The following STAB1 variants were observed in gnomAD, a reference collection of about 807,000 sequenced individuals.
STAB1 encodes stabilin 1.
STAB1 carries 250 observed loss-of-function variants against 332.4 expected under a neutral mutation model. That is an observed-to-expected ratio of 0.75 (90% CI 0.68 to 0.84). The LOEUF (loss-of-function observed/expected upper bound fraction) is 0.84, where lower values mean the gene tolerates loss of function less well. Ranked by LOEUF, STAB1 falls within the 40% of genes least tolerant of loss-of-function variation. The probability of loss-of-function intolerance (pLI) is 0.00; values close to 1 mark genes in which losing one functional copy is unlikely to be tolerated. For synonymous variants in STAB1, 1,475 were observed against 1,390.4 expected, an observed-to-expected ratio of 1.06 and a Z score of -1.35; for missense variants, 3,249 against 3,489.7, an observed-to-expected ratio of 0.93 and a Z score of 1.74.
Position 52,504,865 on chromosome 3 carries a change from A to T in STAB1, c.1366A>T (p.Asn456Tyr). ...LAGQEITVTF[N>Y]QFTKYSYKYK... ...CGGGCAGGAGATCACCGTCACCTTT[A>T]ACCAATTCACGGTGAGGGAGGAGCC... The change falls in exon 12 of 69, where the codon AAC (asparagine) becomes TAC (tyrosine). Residue 456 changes from asparagine (N) to tyrosine (Y), a missense_variant. Asn to Tyr is a moderately radical substitution (Grantham distance 143, BLOSUM62 -2). Transcript: ENST00000321725. 6.2e-7 allele frequency: 1 copy of T among 1,613,650 alleles called. No homozygotes were observed. Among genetic ancestry groups the T allele is most frequent in the Non-Finnish European group, 8.5e-7 (1 of 1,180,014 alleles).
intron 1 of STAB1, among the ~76,000 whole-genome samples, chr3:52,500,029 C>T (rs1708331036): frequency 6.6e-6 from 1 of 152,002 alleles, no homozygotes; most frequent in Admixed American, 6.6e-5. Flanking sequence ...GCTAGGGTCA[C>T]ACCACTGCAC....
At chr3:52,523,376 C>A (rs1424763536) in intron 64 of STAB1, 35 bp downstream of exon 64, 1 of 1,609,114 alleles carries the variant, frequency 6.2e-7, no homozygotes, top group Non-Finnish European at 8.5e-7. Context: ...GCAGAGCCTG[C>A]ATTGGCCATC....
At chr3:52,517,527 C>A in intron 43 of STAB1, 23 bp from the exon 44 acceptor site, 1 of 1,610,664 alleles carries the variant, frequency 6.2e-7, no homozygotes, top group Non-Finnish European at 8.5e-7. Flanking sequence ...CCCAGCAGCC[C>A]CACTGATCAA....
In STAB1 at chr3:52,514,775, G is replaced by A. The variant is rs1296265419; in HGVS notation, c.3753G>A (p.Gly1251=). The A allele has an allele frequency of 3.1e-6, 5 of 1,612,884 alleles. No individual in the cohort carries two copies. The highest frequency in any genetic ancestry group is 1.3e-5 in the African/African-American group (1 of 74,942). Residue 1251 remains glycine, a synonymous_variant, in exon 35 of 69, where the codon GGG becomes GGA. Coordinates refer to ENST00000321725, the MANE Select transcript of STAB1 (RefSeq NM_015136.3). ...GCCGCTCGCTGATTGGTCTGTCGGG[G>A]GTCCTGACGGTGGGCTCAAGTCGCT... ...APGRSLIGLS[G]VLTVGSSRCL...
chr3:52,504,925 A>C, intron 12 of STAB1, 49 bp downstream of exon 12: 1 of 1,613,044 alleles, frequency 6.2e-7, no homozygotes. Context: ...CAGCCTGGCA[A>C]GGGTGTGCAG....
At chr3:52,523,812 C>A (rs2079166589) in intron 66 of STAB1, 56 bp downstream of exon 66, 1 of 1,583,822 alleles carries the variant, frequency 6.3e-7, no homozygotes. Flanking sequence ...AACCTGTGAG[C>A]CCGGGGAAGG....
At chr3:52,505,498 C>T in intron 14 of STAB1, 117 bp downstream of exon 14, 5 of 1,248,444 alleles carry the variant, frequency 4.0e-6, no homozygotes. Flanking sequence ...TGGCCTCTGC[C>T]CATGCCCCCG....
rs572840965 is a variant in STAB1, at chr3:52,520,375, C to T, written c.5500-25C>T. On this transcript the variant is annotated intron_variant, in intron 52 of 68. Coordinates refer to ENST00000321725, the MANE Select transcript of STAB1 (RefSeq NM_015136.3). ...AGCTGGAGTGCACCTGCGACCCTTG[C>T]ATACCTCATATTCTCTCCTTGCAGG... The T allele has an allele frequency of 8.1e-6, 13 of 1,612,656 alleles. No homozygotes were observed. In the South Asian group the frequency reaches 1.3e-4, roughly 16 times the overall value.
At chr3:52,518,654 T>C in intron 47 of STAB1, 41 bp downstream of exon 47, 4 of 1,611,522 alleles carry the variant, frequency 2.5e-6, no homozygotes, top group Non-Finnish European at 3.4e-6. Context: ...GGCTGGGTGC[T>C]CTGGTGGTGG....
chr3:52,519,561 GA>G lies in STAB1; in HGVS notation c.5234del (p.Lys1745ArgfsTer47). ...GTTACAAGATCTTCAGCGGCCTCCT[GA>G]AGGTACTGCTCCCGTGTGGGCCTGT... is the stretch of plus-strand genomic sequence containing the variant. Reference protein sequence around the residue: ...FGYKIFSGLLKVAGLLPLLRE... With the variant: ...FGYKIFSGLLXVAGLLPLLRE... On this transcript the variant is annotated frameshift_variant and splice_region_variant, in exon 50 of 69. Coordinates refer to ENST00000321725, the MANE Select transcript of STAB1 (RefSeq NM_015136.3). LOFTEE classifies it high-confidence loss of function. 1 of 1,613,290 alleles carries G rather than the reference GA, an allele frequency of 6.2e-7. No individual in the cohort carries two copies. Among genetic ancestry groups the G allele is most frequent in the South Asian group, 1.1e-5 (1 of 91,088 alleles).
At position 52,522,592 on chromosome 3, in the gene STAB1, C is replaced by A; in HGVS notation, c.6648C>A (p.Ser2216Arg). The A allele has an allele frequency of 6.2e-7, 1 of 1,613,060 alleles. No individual in the cohort carries two copies. The highest frequency in any genetic ancestry group is 8.5e-7 in the Non-Finnish European group (1 of 1,180,042). The change falls in exon 61 of 69, where the codon AGC (serine) becomes AGA (arginine). Residue 2216 changes from serine to arginine, a missense_variant. By Grantham distance (110) the Ser-to-Arg change is moderately radical. Transcript: ENST00000321725. ...RAGVFHLQAT[S>R]GPYGLNFSEA... ...GCGTTTTCCACCTCCAGGCCACCAG[C>A]GGCCCTTATGGTCTGAACTTTTCGG...
At chr3:52,514,913 C>G (rs1263171577) in intron 35 of STAB1, 76 bp from the exon 36 acceptor site, 2 of 1,612,060 alleles carry the variant, frequency 1.2e-6, no homozygotes, top group African/African-American at 2.7e-5. Context: ...GGGAGGGGCG[C>G]ATGGTCAGTC....
intron 43 of STAB1, 29 bp downstream of exon 43, chr3:52,517,422 A>G: frequency 6.3e-7 from 1 of 1,584,444 alleles, no homozygotes; most frequent in Non-Finnish European, 8.6e-7. Context: ...GACATGGGGC[A>G]TCATGCCATG....
Position 52,505,380 on chromosome 3 carries a change from A to G in STAB1, c.1580A>G (p.Glu527Gly). Residue 527 changes from glutamate to glycine, a missense_variant and splice_region_variant, in exon 14 of 69, where the codon GAG becomes GGG. Coordinates refer to ENST00000321725, the MANE Select transcript of STAB1 (RefSeq NM_015136.3). ...TTCAGCCGCTTTGAAACCATCCTGG[A>G]GGTAAGCTCGGGGGAGGGGTCCTAG... ...EAFSRFETIL[E>G]NCGLPSILDG... 6.2e-7 allele frequency: 1 copy of G among 1,613,338 alleles called. No homozygotes were observed. Among genetic ancestry groups the G allele is most frequent in the African/African-American group, 1.3e-5 (1 of 75,034 alleles).
In STAB1 at chr3:52,520,435, T is replaced by C. The variant is rs940982172; in HGVS notation, c.5535T>C (p.Ile1845=). 6.2e-7 allele frequency: 1 copy of C among 1,612,446 alleles called. No homozygotes were observed. The highest frequency in any genetic ancestry group is 8.5e-7 in the Non-Finnish European group (1 of 1,179,638). ...ELMVGEDDAR[I]VQRHLPFEGG... is the part of the protein sequence containing the mutation. ...TGGTGGGTGAGGATGATGCTCGCAT[T>C]GTGCAGCGGCACTTGCCCTTTGAGG... is the stretch of plus-strand genomic sequence containing the variant. Residue 1845 remains isoleucine, a synonymous_variant, in exon 53 of 69, where the codon ATT becomes ATC. Coordinates refer to ENST00000321725, the MANE Select transcript of STAB1 (RefSeq NM_015136.3).
Position 52,513,125 on chromosome 3 carries a change from G to T in STAB1, c.3159-5G>T, listed in dbSNP as rs1452929206. 1 of 1,562,246 alleles carries T rather than the reference G, an allele frequency of 6.4e-7. No homozygotes were observed. Among genetic ancestry groups the T allele is most frequent in the Non-Finnish European group, 8.7e-7 (1 of 1,152,938 alleles). On this transcript the variant is annotated splice_polypyrimidine_tract_variant and splice_region_variant and intron_variant, in intron 29 of 68. Transcript: ENST00000321725. ...CCATGACCCCCCTAAACTGTGCCCT[G>T]TCAGGGCCCATTTTCTCCAGGGTGC...
Position 52,523,743 on chromosome 3 carries a change from C to T in STAB1, c.7382C>T (p.Ala2461Val). ...IIHALASPLL[A>V]PPQPQAVLAP... is the part of the protein sequence containing the mutation. ...CATGCTCTGGCCAGCCCCCTCCTGG[C>T]ACCCCCACAGCCCGTGAGTTGAGGA... The change falls in exon 66 of 69, where the codon GCA becomes GTA. Residue 2461 changes from alanine (A) to valine (V), a missense_variant. Ala to Val is a moderately conservative substitution (Grantham distance 64). Coordinates refer to ENST00000321725, the MANE Select transcript of STAB1 (RefSeq NM_015136.3). 6.3e-7 allele frequency: 1 copy of T among 1,599,110 alleles called. No homozygotes were observed. Among genetic ancestry groups the T allele is most frequent in the Non-Finnish European group, 8.6e-7 (1 of 1,168,662 alleles).
In STAB1 at chr3:52,499,748, A is replaced by G. The variant is rs1708300790; in HGVS notation, c.79-1418A>G. Among the ~76,000 whole-genome samples, 4 of 150,970 alleles carry G rather than the reference A, an allele frequency of 2.6e-5. No individual in the cohort carries two copies. In the South Asian group the frequency reaches 8.5e-4, roughly 32 times the overall value. On this transcript the variant is annotated intron_variant, in intron 1 of 68. Coordinates refer to ENST00000321725, the MANE Select transcript of STAB1 (RefSeq NM_015136.3). Reference sequence around the variant, plus strand: ...CCCCGTCTCTACTAAAAATACAAAAAATTAGCCGGGCGTAGTGGCGGGCGC... The same window carrying G: ...CCCCGTCTCTACTAAAAATACAAAAGATTAGCCGGGCGTAGTGGCGGGCGC...
intron 17 of STAB1, 53 bp downstream of exon 17, chr3:52,506,303 C>A: frequency 6.6e-7 from 1 of 1,505,084 alleles, no homozygotes; most frequent in South Asian, 1.2e-5. Context: ...GACCAGCTGC[C>A]CACTTGGCCT....
Sources: gnomAD v4.1 joint callset for allele counts (sites outside exome capture counted in the v4.1 genomes callset) on GRCh38, gnomAD v4.1.1 for gene constraint, MANE v1.5 for transcripts, NCBI Gene and HGNC (gene_info 2026-07-23, HGNC 2026-07-21) for gene names.